Variants in SMARCD3 observed in about 807,000 individuals in gnomAD.
The protein encoded by SMARCD3 is SWI/SNF-related matrix-associated actin-dependent regulator of chromatin subfamily D member 3.
SMARCD3 carries 14 observed loss-of-function variants against 58.0 expected under a neutral mutation model. That is an observed-to-expected ratio of 0.24 (90% CI 0.16 to 0.38). The LOEUF is 0.38. Ranked by LOEUF, SMARCD3 falls within the 10% of genes least tolerant of loss-of-function variation. SMARCD3 has a pLI of 1.00. For synonymous variants in SMARCD3, 253 were observed against 253.8 expected (o/e 1.00, Z 0.03); for missense variants, 408 against 636.9 (o/e 0.64, Z 3.87).
chr7:151,276,298 G>A (rs1389205370), intron 1 of SMARCD3, among the ~76,000 whole-genome samples: 2 of 150,386 alleles, frequency 1.3e-5, no homozygotes, highest in East Asian at 2.0e-4. Flanking sequence ...GGGAGAGGAT[G>A]CCAGGCAGGG....
At chr7:151,244,515 T>G (rs1803162185) in intron 2 of SMARCD3, among the ~76,000 whole-genome samples, 1 of 152,088 alleles carries the variant, frequency 6.6e-6, no homozygotes. Context: ...CACTGCCCCC[T>G]CCCTATGCAG....
intron 2 of SMARCD3, among the ~76,000 whole-genome samples, chr7:151,244,885 G>C (rs1455324383): frequency 6.6e-6 from 1 of 152,218 alleles, no homozygotes; most frequent in African/African-American, 2.4e-5. Flanking sequence ...GCAAGGAAAT[G>C]GGCTGGCCCT....
At chr7:151,275,110 C>A in intron 2 of SMARCD3, 1 of 1,611,434 alleles carries the variant, frequency 6.2e-7, no homozygotes, top group Non-Finnish European at 8.5e-7. Context: ...GAGGAAGCAC[C>A]TACCTGTACC....
intron 1 of SMARCD3, among the ~76,000 whole-genome samples, chr7:151,247,381 G>T (rs1179674512): frequency 6.6e-6 from 1 of 152,088 alleles, no homozygotes; most frequent in Admixed American, 6.5e-5. Flanking sequence ...GGGGCTGGAG[G>T]ACAGGCCACT....
intron 2 of SMARCD3, among the ~76,000 whole-genome samples, chr7:151,273,352 G>A (rs371463525): frequency 6.6e-6 from 1 of 152,200 alleles, no homozygotes; most frequent in Admixed American, 6.5e-5. Context: ...ACAGCCCAAG[G>A]CTCCCTCCGA....
chr7:151,265,602 C>T (rs1300075869), intron 2 of SMARCD3, among the ~76,000 whole-genome samples: 1 of 152,234 alleles, frequency 6.6e-6, no homozygotes, highest in Non-Finnish European at 1.5e-5. Context: ...CTTGGAACAT[C>T]CTCTGGTTTG....
intron 2 of SMARCD3, among the ~76,000 whole-genome samples, chr7:151,256,832 G>A (rs1803715927): frequency 6.6e-6 from 1 of 152,052 alleles, no homozygotes; most frequent in African/African-American, 2.4e-5. Context: ...CTGCCTGCCA[G>A]CAGCTGATCC....
chr7:151,239,002 C>T lies in SMARCD3; in HGVS notation c.*101G>A. The T allele has an allele frequency of 1.6e-6, 2 of 1,276,882 alleles. No homozygotes were observed. The highest frequency in any genetic ancestry group is 1.2e-5 in the South Asian group (1 of 83,924). 79.1% of individuals were successfully genotyped at this position (1,276,882 alleles called of 1,614,324 possible). A position where few individuals can be genotyped will look rare whatever the true frequency, so the allele number is the denominator to read the frequency against. On this transcript the variant is annotated 3_prime_UTR_variant, in exon 13 of 13. Coordinates refer to ENST00000262188, the MANE Select transcript of SMARCD3 (RefSeq NM_001003801.2). This position sits in a 1 kb window ranked among gnomAD's most constrained non-coding sequence, Gnocchi z 7.0. ...AGATGAATGACTTTTAATCCAGCCC[C>T]ACACCCCAAGGTGGCAGAGGAGTGA...
rs1415513010 is a variant in SMARCD3 at position 151,257,251 on chromosome 7, A to G, written c.40-11580T>C. Among the ~76,000 whole-genome samples the G allele has an allele frequency of 2.0e-5, 3 of 151,960 alleles. No individual in the cohort carries two copies. The East Asian group carries it at 5.8e-4, about 30-fold the overall frequency. On this transcript the variant is annotated intron_variant, in intron 2 of 13. Transcript: ENST00000356800. The stretch of plus-strand genomic sequence containing the variant: ...CAGGTTGCTGCCCAGTAGCAACAAA[A>G]CTTCTGAAAAGAGTTGTCTCATTTG...
chr7:151,271,037 C>G (rs1795159029), intron 2 of SMARCD3, among the ~76,000 whole-genome samples: 1 of 152,086 alleles, frequency 6.6e-6, no homozygotes, highest in Admixed American at 6.5e-5. Flanking sequence ...GCCCATCCAC[C>G]CCACTGCAGA....
chr7:151,272,156 A>T (rs1795193300), intron 2 of SMARCD3, among the ~76,000 whole-genome samples: 1 of 152,114 alleles, frequency 6.6e-6, no homozygotes, highest in African/African-American at 2.4e-5. Context: ...TATCCCCTTC[A>T]TTTCCTCATA....
In SMARCD3 at chr7:151,245,326, G is replaced by A; in HGVS notation, c.290+134C>T. 2.6e-6 allele frequency: 1 copy of A among 388,646 alleles called. No homozygotes were observed. The highest frequency in any genetic ancestry group is 1.4e-4 in the South Asian group (1 of 7,228). 24.1% of individuals were successfully genotyped at this position (388,646 alleles called of 1,614,324 possible). On this transcript the variant is annotated intron_variant, in intron 2 of 12. Transcript: ENST00000262188. This position sits in a 1 kb window ranked among gnomAD's most constrained non-coding sequence, Gnocchi z 6.2. ...AAGCCTACCTCCCCAGAGGGCATTC[G>A]ACCCGGGAAGCCTCGCTCCCTGCTA...
intron 2 of SMARCD3, among the ~76,000 whole-genome samples, chr7:151,256,662 A>G (rs2150605270): frequency 6.6e-6 from 1 of 152,112 alleles, no homozygotes; most frequent in African/African-American, 2.4e-5. Context: ...AGTCACAAAT[A>G]TGCCCGCTCC....
rs971752959 is a variant in SMARCD3, at chr7:151,242,416, G to T, written c.579+65C>A. 4.5e-5 allele frequency: 72 copies of T among 1,594,108 alleles called. No homozygotes were observed. Among genetic ancestry groups the T allele is most frequent in the Non-Finnish European group, 6.2e-5 (72 of 1,168,212 alleles). The stretch of plus-strand genomic sequence containing the variant: ...CCCTAGCCCTTAGTGCAGACACCTT[G>T]TTCTGTTCTCAGTGCAGCCCATGCC... On this transcript the variant is annotated intron_variant, in intron 5 of 12. Transcript: ENST00000262188. The surrounding 1 kb of genome is among the most constrained non-coding windows in gnomAD (Gnocchi z 4.7).
In SMARCD3 at chr7:151,248,286, G is replaced by A. The variant is rs1803371735; in HGVS notation, c.78+199C>T. Among the ~76,000 whole-genome samples, 1 of 107,702 alleles carries A rather than the reference G, an allele frequency of 9.3e-6. No homozygotes were observed. The highest frequency in any genetic ancestry group is 3.7e-5 in the African/African-American group (1 of 27,270). 70.7% of individuals were successfully genotyped at this position (107,702 alleles called of 152,430 possible). A position where few individuals can be genotyped will look rare whatever the true frequency, so the allele number is the denominator to read the frequency against. On this transcript the variant is annotated intron_variant, in intron 1 of 12. Coordinates refer to ENST00000262188, the MANE Select transcript of SMARCD3 (RefSeq NM_001003801.2). The surrounding 1 kb of genome is among the most constrained non-coding windows in gnomAD (Gnocchi z 6.1). ...TGCAAACGCCTCCCTTCCCCGCCTC[G>A]CGTCAGACCCGGCCGGCCGCCTGGC... is the stretch of plus-strand genomic sequence containing the variant.
At chr7:151,266,795 T>C (rs1023040793) in intron 2 of SMARCD3, among the ~76,000 whole-genome samples, 1 of 152,238 alleles carries the variant, frequency 6.6e-6, no homozygotes, top group Non-Finnish European at 1.5e-5. Flanking sequence ...TATTACAGCA[T>C]GGACCTCCTG....
At chr7:151,270,786 G>A (rs1795152041) in intron 2 of SMARCD3, among the ~76,000 whole-genome samples, 1 of 152,186 alleles carries the variant, frequency 6.6e-6, no homozygotes, top group Admixed American at 6.5e-5. Flanking sequence ...TACTGTGCTG[G>A]GCCGGGGTCT....
At position 151,238,803 on chromosome 7, in the gene SMARCD3, T is replaced by TA; in HGVS notation, c.*299dup. 6.5e-7 allele frequency: 1 copy of TA among 1,542,688 alleles called. No homozygotes were observed. The highest frequency in any genetic ancestry group is 8.7e-7 in the Non-Finnish European group (1 of 1,148,420). ...TATTTTTTAAATATGAAAATGTTAT[T>TA]AAACATGTCTTCTGCCAAACTGTTT... On this transcript the variant is annotated 3_prime_UTR_variant, in exon 13 of 13. Transcript: ENST00000262188.
At chr7:151,256,695 G>C (rs1321959169) in intron 2 of SMARCD3, among the ~76,000 whole-genome samples, 1 of 151,982 alleles carries the variant, frequency 6.6e-6, no homozygotes, top group African/African-American at 2.4e-5. Flanking sequence ...GGAGTTTTTT[G>C]CAGCTTCTCC....
Sources: gnomAD v4.1 joint callset for allele counts (sites outside exome capture counted in the v4.1 genomes callset) on GRCh38, gnomAD v4.1.1 for gene constraint, Gnocchi (gnomAD v3.1) non-coding constraint, MANE v1.5 for transcripts, NCBI Gene and HGNC (gene_info 2026-07-23, HGNC 2026-07-21) for gene names.